The following LRIG3 variants were observed in gnomAD, a reference collection of about 807,000 sequenced individuals.
LRIG3 encodes leucine-rich repeats and immunoglobulin-like domains protein 3.
A neutral mutation model predicts 114.5 loss-of-function variants in LRIG3; 76 were observed. The observed-to-expected ratio is 0.66, with a 90% confidence interval of 0.55 to 0.80. The LOEUF is 0.80. Among genes scored for constraint, LRIG3 ranks in the 30% least tolerant of loss-of-function variants. LRIG3 has a pLI of 0.00. For synonymous variants in LRIG3, 512 were observed against 519.8 expected (o/e 0.98, Z 0.20); for missense variants, 1,239 against 1,382.8 (o/e 0.90, Z 1.65).
chr12:58,888,698 TATAA>T, intron 6 of LRIG3, 117 bp downstream of exon 6: 1 of 1,399,952 alleles, frequency 7.1e-7, no homozygotes, highest in Non-Finnish European at 9.7e-7. Context: ...AATACTGACT[TATAA>T]ATAAGATTGT....
chr12:58,886,702 G>T, intron 9 of LRIG3, 108 bp downstream of exon 9: 1 of 828,932 alleles, frequency 1.2e-6, no homozygotes, highest in Non-Finnish European at 2.0e-6. Flanking sequence ...ACCAGATTAA[G>T]CACTGATTTC....
chr12:58,888,336 T>C lies in LRIG3; in HGVS notation c.940A>G (p.Ser314Gly), dbSNP rs1470401759. 16 of 1,612,986 alleles carry C rather than the reference T, an allele frequency of 9.9e-6. No individual in the cohort carries two copies. The highest frequency in any genetic ancestry group is 1.3e-5 in the African/African-American group (1 of 74,898). Residue 314 changes from serine (S) to glycine (G), a missense_variant, in exon 7 of 19, where the codon AGT (serine) becomes GGT (glycine). Physicochemically the swap from Ser to Gly is moderately conservative, Grantham distance 56. Transcript: ENST00000320743. ...PDAWEFCQKL[S>G]ELDLTFNHLS... ...AAATAAAAGGCAACTCACAGCTCAC[T>C]GAGCTTCTGGCAGAACTCCCAGGCA...
rs754028410 is a variant in LRIG3, at chr12:58,879,018, G to A, written c.1889C>T (p.Pro630Leu). ...CTTCTGCCAGGCTATCTGGGGGGCTGGGTGCCCCACAGCAGCACACTCCAA... is the reference window on the plus strand; with the variant it reads ...CTTCTGCCAGGCTATCTGGGGGGCTAGGTGCCCCACAGCAGCACACTCCAA... Reference protein sequence around the residue: ...ARLECAAVGHPAPQIAWQKDG... With the variant: ...ARLECAAVGHLAPQIAWQKDG... The change falls in exon 14 of 19, where the codon CCA (proline) becomes CTA (leucine). Residue 630 changes from proline to leucine, a missense_variant. By Grantham distance (98) the Pro-to-Leu change is moderately conservative (BLOSUM62 -3). Transcript: ENST00000320743. 2 of 1,614,058 alleles carry A rather than the reference G, an allele frequency of 1.2e-6. No individual in the cohort carries two copies. Among genetic ancestry groups the A allele is most frequent in the African/African-American group, 2.7e-5 (2 of 74,920 alleles).
chr12:58,876,630 A>T (rs915427143), intron 15 of LRIG3, 27 bp from the exon 16 acceptor site: 1 of 1,612,572 alleles, frequency 6.2e-7, no homozygotes, highest in Non-Finnish European at 8.5e-7. Flanking sequence ...GCATTTTATT[A>T]ACCAAGGATG....
At chr12:58,897,652 G>A (rs1304352289) in intron 3 of LRIG3, among the ~76,000 whole-genome samples, 4 of 152,068 alleles carry the variant, frequency 2.6e-5, no homozygotes, top group Non-Finnish European at 4.4e-5. Flanking sequence ...ATACAAAACA[G>A]CCCTTCTTTG....
At chr12:58,893,534 C>T (rs1288580408) in intron 3 of LRIG3, among the ~76,000 whole-genome samples, 3 of 152,178 alleles carry the variant, frequency 2.0e-5, no homozygotes, top group Non-Finnish European at 4.4e-5. Flanking sequence ...CCATTTCCCA[C>T]ATCTGGATTT....
Position 58,883,003 on chromosome 12 carries a change from T to A in LRIG3, c.1346A>T (p.Asp449Val). The A allele has an allele frequency of 1.9e-6, 3 of 1,613,966 alleles. No homozygotes were observed. Among genetic ancestry groups the A allele is most frequent in the Non-Finnish European group, 2.5e-6 (3 of 1,179,906 alleles). The change falls in exon 12 of 19, where the codon GAT becomes GTT. Residue 449 changes from aspartate to valine, a missense_variant. By Grantham distance (152) the Asp-to-Val change is radical. Coordinates refer to ENST00000320743, the MANE Select transcript of LRIG3 (RefSeq NM_153377.5). Reference protein sequence around the residue: ...LHLNTSSLLCDCQLKWLPQWV... With the variant: ...LHLNTSSLLCVCQLKWLPQWV... ...CTGTGGGAGCCATTTTAGCTGGCAA[T>A]CGCACAAAAGGCTTGATGTATTTAA...
At chr12:58,911,270 A>G (rs546590040) in intron 3 of LRIG3, among the ~76,000 whole-genome samples, 1 of 152,290 alleles carries the variant, frequency 6.6e-6, no homozygotes, top group East Asian at 1.9e-4. Flanking sequence ...GACATGCGGT[A>G]CCCTTTGATC....
chr12:58,909,236 T>G (rs565179470), intron 3 of LRIG3, among the ~76,000 whole-genome samples: 1 of 152,346 alleles, frequency 6.6e-6, no homozygotes, highest in South Asian at 2.1e-4. Flanking sequence ...CATGAGCAGG[T>G]CAGCTATAGA....
At chr12:58,911,913 T>C (rs1872291980) in intron 3 of LRIG3, among the ~76,000 whole-genome samples, 1 of 152,216 alleles carries the variant, frequency 6.6e-6, no homozygotes, top group African/African-American at 2.4e-5. Flanking sequence ...ACTCTCCACA[T>C]TGAATTATCA....
rs1870960668 is a variant in LRIG3, at chr12:58,877,449, G to A, written c.2487C>T (p.Ile829=). The change falls in exon 15 of 19, where the codon ATC becomes ATT. Residue 829 remains isoleucine (I), a synonymous_variant. Transcript: ENST00000320743. Reference sequence around the variant, plus strand: ...CATTCCTCCGCCTTGTGTGGTATATGATGACCACCCACACGAGTGACGTGC... The same window carrying A: ...CATTCCTCCGCCTTGTGTGGTATATAATGACCACCCACACGAGTGACGTGC... ...VVGTSLVWVV[I]IYHTRRRNED... The A allele has an allele frequency of 6.2e-7, 1 of 1,614,024 alleles. No individual in the cohort carries two copies. Among genetic ancestry groups the A allele is most frequent in the African/African-American group, 1.3e-5 (1 of 74,906 alleles).
chr12:58,890,592 T>C, intron 4 of LRIG3, 73 bp downstream of exon 4: 1 of 1,400,274 alleles, frequency 7.1e-7, no homozygotes, highest in Admixed American at 2.5e-5. Context: ...AGACAAAGTT[T>C]GTTATATCTT....
rs1355358853 is a variant in LRIG3 at position 58,920,502 on chromosome 12, T to A, written c.-267A>T. On this transcript the variant is annotated 5_prime_UTR_variant, in exon 1 of 19. Coordinates refer to ENST00000320743, the MANE Select transcript of LRIG3 (RefSeq NM_153377.5). Reference sequence around the variant, plus strand: ...CGGCTCGCCGAAGCCCCTTCTTGTCTGCAAAAGAAACTTTTTCGCCTCCAC... The same window carrying A: ...CGGCTCGCCGAAGCCCCTTCTTGTCAGCAAAAGAAACTTTTTCGCCTCCAC... 17 of 339,094 alleles carry A rather than the reference T, an allele frequency of 5.0e-5. No individual in the cohort carries two copies. Among genetic ancestry groups the A allele is most frequent in the Non-Finnish European group, 8.5e-5 (16 of 188,634 alleles). The allele number at this position is 339,094 out of a possible 1,614,324, so 21.0% of individuals were successfully genotyped here.
rs771657024 is a variant in LRIG3 at position 58,872,753 on chromosome 12, G to A, written c.3179C>T (p.Ser1060Leu). 12 of 1,614,066 alleles carry A rather than the reference G, an allele frequency of 7.4e-6. No individual in the cohort carries two copies. Among genetic ancestry groups the A allele is most frequent in the Admixed American group, 5.0e-5 (3 of 60,026 alleles). ...LDAYSSFGQP[S>L]DCQPRAFYLK... ...ATAAAAGGCTCTTGGCTGACAATCT[G>A]ATGGCTGTCCAAAGCTTGAATAGGC... Residue 1060 changes from serine (S) to leucine (L), a missense_variant, in exon 19 of 19, where the codon TCA (serine) becomes TTA (leucine). Ser to Leu is a moderately radical substitution (Grantham distance 145, BLOSUM62 -2). Transcript: ENST00000320743.
chr12:58,880,342 T>C (rs1016328142), intron 13 of LRIG3: 4 of 645,158 alleles, frequency 6.2e-6, no homozygotes, highest in South Asian at 3.4e-5. Context: ...AGCAAAAACA[T>C]GTCTGGTTCA....
chr12:58,881,163 C>T (rs1033186746), intron 12 of LRIG3, among the ~76,000 whole-genome samples: 19 of 152,096 alleles, frequency 1.2e-4, no homozygotes, highest in African/African-American at 3.9e-4. Flanking sequence ...TTGGAGCTAT[C>T]GGAAAACCCA....
chr12:58,917,393 G>A (rs762148448), intron 1 of LRIG3, among the ~76,000 whole-genome samples: 22 of 152,288 alleles, frequency 1.4e-4, no homozygotes, highest in Admixed American at 1.0e-3. Context: ...CTGTTTAAGC[G>A]CAAACTCTTG....
At chr12:58,887,695 T>C in intron 8 of LRIG3, 94 bp downstream of exon 8, 2 of 1,370,034 alleles carry the variant, frequency 1.5e-6, no homozygotes, top group Non-Finnish European at 2.0e-6. Context: ...GCTGTATGCA[T>C]TTCCTTGACA....
At chr12:58,918,574 C>G (rs1288691287) in intron 1 of LRIG3, among the ~76,000 whole-genome samples, 2 of 152,214 alleles carry the variant, frequency 1.3e-5, no homozygotes, top group African/African-American at 2.4e-5. Flanking sequence ...TTCTCTTTCT[C>G]ATCCCTCTAT....
Sources: allele counts gnomAD v4.1 joint callset (sites outside exome capture counted in the v4.1 genomes callset), GRCh38; gene constraint gnomAD v4.1.1; transcripts MANE v1.5; gene names NCBI Gene and HGNC (gene_info 2026-07-23, HGNC 2026-07-21).